Variants in LMO3 observed in about 807,000 individuals in gnomAD.
LMO3 encodes LIM domain only 3, also known as LIM domain only protein 3.
In LMO3, 2 loss-of-function variants were observed where a neutral mutation model predicts 15.8. The observed-to-expected ratio is 0.13, with a 90% confidence interval of 0.05 to 0.40. The LOEUF (loss-of-function observed/expected upper bound fraction) is 0.40, where lower values mean the gene tolerates loss of function less well. Among genes scored for constraint, LMO3 ranks in the 10% least tolerant of loss-of-function variants. The pLI, the probability that LMO3 is intolerant of heterozygous loss-of-function variation, is 0.99. For missense variants in LMO3, 86 were observed against 182.2 expected, an observed-to-expected ratio of 0.47 and a Z score of 3.04; for synonymous variants, 62 against 63.8, an observed-to-expected ratio of 0.97 and a Z score of 0.13.
In LMO3 at chr12:16,604,869, A is replaced by C; in HGVS notation, c.-9+1197T>G. ...TATGATAGACTGTAACCTTACCAAA[A>C]CTTTTCTCCTTTTTCTGCATGAGTT... is the stretch of plus-strand genomic sequence containing the variant. On this transcript the variant is annotated intron_variant, in intron 1 of 3. Transcript: ENST00000537304. This position sits in a 1 kb window ranked among gnomAD's most constrained non-coding sequence, Gnocchi z 5.3. 6.3e-7 allele frequency: 1 copy of C among 1,598,464 alleles called. No homozygotes were observed.
chr12:16,588,695 C>T (rs1351037510), intron 2 of LMO3, among the ~76,000 whole-genome samples: 1 of 152,054 alleles, frequency 6.6e-6, no homozygotes, highest in African/African-American at 2.4e-5. Flanking sequence ...TTCCATACAG[C>T]CTAAAGTGCA....
intron 2 of LMO3, among the ~76,000 whole-genome samples, chr12:16,569,882 TTAAAG>T (rs1204302636): frequency 6.6e-6 from 1 of 152,164 alleles, no homozygotes; most frequent in African/African-American, 2.4e-5. Flanking sequence ...AACTATATCT[TTAAAG>T]TAATAGAAAC....
At chr12:16,607,071 C>T (rs1383000721), upstream of LMO3, 40 of 152,324 alleles carry the variant, frequency 2.6e-4, 1 homozygote. Flanking sequence ...AGTCGCTGGT[C>T]TGTCTGTGAC....
chr12:16,551,244 CCTT>C lies in LMO3; in HGVS notation c.413_415del (p.Glu138del). 2.5e-6 allele frequency: 4 copies of C among 1,611,182 alleles called. No individual in the cohort carries two copies. Among genetic ancestry groups the C allele is most frequent in the Non-Finnish European group, 3.4e-6 (4 of 1,177,402 alleles). On this transcript the variant is annotated inframe_deletion, in exon 4 of 4. Transcript: ENST00000537304. Reference sequence around the variant, plus strand: ...AGATCAGCGAACCTGGGGTGCATAACCTTCTTTCATTAAACCTTCCTCGTAGTC... The same window carrying C: ...AGATCAGCGAACCTGGGGTGCATAACCTTTCATTAAACCTTCCTCGTAGTC...
In LMO3 at chr12:16,560,395, A is replaced by G. The variant is rs1942357916; in HGVS notation, c.332+18T>C. ...AGAGGTTAACCATTTCTTAGAGACC[A>G]AAAAGAGACCTGCTTACCTCTGATT... On this transcript the variant is annotated intron_variant, in intron 3 of 3. Transcript: ENST00000537304. This position sits in a 1 kb window ranked among gnomAD's most constrained non-coding sequence, Gnocchi z 5.0. The G allele has an allele frequency of 6.2e-7, 1 of 1,608,422 alleles. No individual in the cohort carries two copies. Among genetic ancestry groups the G allele is most frequent in the Non-Finnish European group, 8.5e-7 (1 of 1,177,616 alleles).
chr12:16,560,507 A>G lies in LMO3; in HGVS notation c.238T>C (p.Cys80Arg), dbSNP rs750449182. The G allele has an allele frequency of 3.1e-6, 5 of 1,613,624 alleles. No homozygotes were observed. The highest frequency in any genetic ancestry group is 3.4e-6 in the Non-Finnish European group (4 of 1,179,758). The stretch of plus-strand genomic sequence containing the variant: ...TCAAAGGCAGGGATGAGCTTACTAC[A>G]GGCAGCGCAGTTTCCCGTTACACCA... ...LFGVTGNCAA[C>R]SKLIPAFEMV... The change falls in exon 3 of 4, where the codon TGT becomes CGT. Residue 80 changes from cysteine to arginine, a missense_variant. Around this residue, in one of 3 missense-constraint regions of LMO3, gnomAD observed 51 missense variants for 140.3 expected, o/e 0.36. Coordinates refer to ENST00000537304, the MANE Select transcript of LMO3 (RefSeq NM_018640.5). The surrounding 1 kb of genome is among the most constrained non-coding windows in gnomAD (Gnocchi z 5.0).
chr12:16,560,309 A>AGATT lies in LMO3; in HGVS notation c.332+100_332+103dup. ...AAGTTTACAGAACAGAAAAACGCTG[A>AGATT]GATTGATTGCTTTAAATGTATGAAT... is the stretch of plus-strand genomic sequence containing the variant. On this transcript the variant is annotated intron_variant, in intron 3 of 3. Transcript: ENST00000537304. The surrounding 1 kb of genome is among the most constrained non-coding windows in gnomAD (Gnocchi z 5.0). 7.8e-7 allele frequency: 1 copy of AGATT among 1,274,196 alleles called. No individual in the cohort carries two copies. Among genetic ancestry groups the AGATT allele is most frequent in the East Asian group, 2.4e-5 (1 of 40,992 alleles). The allele number at this position is 1,274,196 out of a possible 1,614,324, so 78.9% of individuals were successfully genotyped here.
At chr12:16,588,314 G>A (rs1943385056) in intron 2 of LMO3, among the ~76,000 whole-genome samples, 1 of 151,878 alleles carries the variant, frequency 6.6e-6, no homozygotes, top group African/African-American at 2.4e-5. Context: ...TAATCAAATT[G>A]TTTAAAGAAC....
In LMO3 at chr12:16,582,723, A is replaced by T. The variant is rs1943198533; in HGVS notation, c.206+17932T>A. On this transcript the variant is annotated intron_variant, in intron 2 of 3. Transcript: ENST00000537304. This position sits in a 1 kb window ranked among gnomAD's most constrained non-coding sequence, Gnocchi z 4.1. ...CTAGGTACGGTCCCTCACTCTTTTA[A>T]GTATCTGATTGGGATGAGACGCCCA... Among the ~76,000 whole-genome samples the T allele has an allele frequency of 6.6e-6, 1 of 152,160 alleles. No individual in the cohort carries two copies. The highest frequency in any genetic ancestry group is 2.4e-5 in the African/African-American group (1 of 41,440).
At chr12:16,566,039 TAA>T (rs1565488443) in intron 2 of LMO3, among the ~76,000 whole-genome samples, 1 of 86,506 alleles carries the variant, frequency 1.2e-5, no homozygotes, top group African/African-American at 4.4e-5. Context: ...TATATATATA[TAA>T]AATGGAGTAC....
intron 2 of LMO3, among the ~76,000 whole-genome samples, chr12:16,572,113 A>C (rs992208107): frequency 5.3e-5 from 8 of 151,962 alleles, no homozygotes; most frequent in Non-Finnish European, 1.2e-4. Context: ...CTGCAAGAAA[A>C]AGGTACATTT....
chr12:16,572,098 G>A (rs918845694), intron 2 of LMO3, among the ~76,000 whole-genome samples: 1 of 151,756 alleles, frequency 6.6e-6, no homozygotes, highest in Non-Finnish European at 1.5e-5. Context: ...AGACAAAATG[G>A]TATCCTGCAA....
Position 16,584,467 on chromosome 12 carries a change from G to A in LMO3, c.206+16188C>T, listed in dbSNP as rs1416165371. On this transcript the variant is annotated intron_variant, in intron 2 of 3. Coordinates refer to ENST00000537304, the MANE Select transcript of LMO3 (RefSeq NM_018640.5). The surrounding 1 kb of genome is among the most constrained non-coding windows in gnomAD (Gnocchi z 5.2). ...GCAAAAGTTATTGACAAGGACATGA[G>A]GTTTCTGGAGGACCCAGTGGAAAAG... 1.3e-5 allele frequency among the ~76,000 whole-genome samples: 2 copies of A among 152,162 alleles called. No homozygotes were observed. The highest frequency in any genetic ancestry group is 2.9e-5 in the Non-Finnish European group (2 of 68,022).
rs769893510 is a variant in LMO3 at position 16,586,700 on chromosome 12, C to T, written c.206+13955G>A. Among the ~76,000 whole-genome samples, 2 of 152,104 alleles carry T rather than the reference C, an allele frequency of 1.3e-5. No homozygotes were observed. Among genetic ancestry groups the T allele is most frequent in the Non-Finnish European group, 2.9e-5 (2 of 68,024 alleles). On this transcript the variant is annotated intron_variant, in intron 2 of 3. Coordinates refer to ENST00000537304, the MANE Select transcript of LMO3 (RefSeq NM_018640.5). This position sits in a 1 kb window ranked among gnomAD's most constrained non-coding sequence, Gnocchi z 4.3. ...AGATTTCAAGATACACATCTTTTGA[C>T]CCCCCATTGCAGTAGATGATGTTTT...
At chr12:16,609,921 T>G (rs1342866659), upstream of LMO3, 1 of 151,694 alleles carries the variant, frequency 6.6e-6, no homozygotes, top group Non-Finnish European at 1.5e-5. Flanking sequence ...TCTTTTTTTT[T>G]TTTAATTTTT....
intron 2 of LMO3, among the ~76,000 whole-genome samples, chr12:16,580,691 T>C (rs1943134153): frequency 6.6e-6 from 1 of 152,212 alleles, no homozygotes; most frequent in African/African-American, 2.4e-5. Flanking sequence ...TACATGTGCA[T>C]AAATACAGGT....
chr12:16,603,236 GC>G lies in LMO3; in HGVS notation c.-8-2369del, dbSNP rs1943884347. ...ACTCTTACATTCTGTTTGGCCTTGGGCATAAAAGGAGTTTGATATTTCACAC... is the reference window on the plus strand; with the variant it reads ...ACTCTTACATTCTGTTTGGCCTTGGGATAAAAGGAGTTTGATATTTCACAC... On this transcript the variant is annotated intron_variant, in intron 1 of 3. Transcript: ENST00000537304. The surrounding 1 kb of genome is among the most constrained non-coding windows in gnomAD (Gnocchi z 4.9). 6.6e-6 allele frequency among the ~76,000 whole-genome samples: 1 copy of G among 152,154 alleles called. No homozygotes were observed. Among genetic ancestry groups the G allele is most frequent in the Non-Finnish European group, 1.5e-5 (1 of 68,014 alleles).
In LMO3 at chr12:16,559,044, C is replaced by T. The variant is rs994074116; in HGVS notation, c.332+1369G>A. On this transcript the variant is annotated intron_variant, in intron 3 of 3. Coordinates refer to ENST00000537304, the MANE Select transcript of LMO3 (RefSeq NM_018640.5). The surrounding 1 kb of genome is among the most constrained non-coding windows in gnomAD (Gnocchi z 4.1). ...TCTCACTAGAAATGTCACATTCTTT[C>T]TACTATTCTACAGGGTCTCATAAGA... 6.6e-6 allele frequency among the ~76,000 whole-genome samples: 1 copy of T among 152,148 alleles called. No individual in the cohort carries two copies. The highest frequency in any genetic ancestry group is 1.5e-5 in the Non-Finnish European group (1 of 67,998).
Position 16,604,853 on chromosome 12 carries a change from C to T in LMO3, c.-9+1213G>A. The T allele has an allele frequency of 5.6e-6, 9 of 1,598,444 alleles. No homozygotes were observed. The highest frequency in any genetic ancestry group is 1.7e-4 in the Middle Eastern group (1 of 6,060). On this transcript the variant is annotated intron_variant, in intron 1 of 3. Transcript: ENST00000537304. This position sits in a 1 kb window ranked among gnomAD's most constrained non-coding sequence, Gnocchi z 5.3. ...GCCAGCAAAGTGCATCTATGATAGA[C>T]TGTAACCTTACCAAAACTTTTCTCC...
Sources: gnomAD v4.1 joint callset for allele counts (sites outside exome capture counted in the v4.1 genomes callset) on GRCh38, gnomAD v4.1.1 for gene constraint, gnomAD v4.1.1 regional missense constraint, Gnocchi (gnomAD v3.1) non-coding constraint, MANE v1.5 for transcripts, NCBI Gene and HGNC (gene_info 2026-07-23, HGNC 2026-07-21) for gene names.